The following CNTNAP5 variants were observed in gnomAD, a reference collection of about 807,000 sequenced individuals.
CNTNAP5 encodes the protein contactin-associated protein-like 5.
CNTNAP5 carries 72 observed loss-of-function variants against 150.2 expected under a neutral mutation model. The ratio of observed to expected loss-of-function variants is 0.48; its 90% CI spans 0.40 to 0.58. The LOEUF (loss-of-function observed/expected upper bound fraction) is 0.58. Ranked by LOEUF, CNTNAP5 falls within the 20% of genes least tolerant of loss-of-function variation. The pLI is 0.00. For synonymous variants in CNTNAP5, 672 were observed against 619.8 expected, an observed-to-expected ratio of 1.08 and a Z score of -1.25; for missense variants, 1,636 against 1,626.2, an observed-to-expected ratio of 1.01 and a Z score of -0.10.
chr2:124,166,892 T>C (rs1684819755), intron 1 of CNTNAP5, among the ~76,000 whole-genome samples: 1 of 152,146 alleles, frequency 6.6e-6, no homozygotes, highest in African/African-American at 2.4e-5. Context: ...TCTCCAAGCC[T>C]TCCCCCAAGA....
chr2:124,166,224 C>T (rs962801642), intron 1 of CNTNAP5, among the ~76,000 whole-genome samples: 1 of 152,146 alleles, frequency 6.6e-6, no homozygotes, highest in East Asian at 1.9e-4. Flanking sequence ...AGTCTGTAAA[C>T]AGGCCATGGG....
chr2:124,760,804 G>A (rs1680940226), intron 14 of CNTNAP5, among the ~76,000 whole-genome samples: 3 of 151,988 alleles, frequency 2.0e-5, no homozygotes, highest in African/African-American at 7.2e-5. Flanking sequence ...AGTATGTATT[G>A]AGTTTCTACT....
At chr2:124,270,084 G>C (rs932870885) in intron 3 of CNTNAP5, among the ~76,000 whole-genome samples, 5 of 152,150 alleles carry the variant, frequency 3.3e-5, no homozygotes, top group Admixed American at 2.0e-4. Context: ...GGGAGGCCGA[G>C]GCGGGTGGAT....
intron 7 of CNTNAP5, among the ~76,000 whole-genome samples, chr2:124,475,524 T>C (rs1693619501): frequency 1.3e-5 from 2 of 152,158 alleles, no homozygotes; most frequent in Admixed American, 6.6e-5. Context: ...GATTTGTCTG[T>C]TTCTCTCTCC....
chr2:124,589,207 C>T (rs1341724098), intron 11 of CNTNAP5, among the ~76,000 whole-genome samples: 2 of 152,132 alleles, frequency 1.3e-5, no homozygotes, highest in African/African-American at 4.8e-5. Flanking sequence ...TCCACCACCC[C>T]CAGCCCCTGC....
chr2:124,896,986 T>C lies in CNTNAP5; in HGVS notation c.3437-5896T>C, dbSNP rs1293048563. ...TCTTTACTTTGTAAAGGTTTTGTTT[T>C]GTGCCTGAAACATGTAACCATCTTC... is the stretch of plus-strand genomic sequence containing the variant. On this transcript the variant is annotated intron_variant, in intron 21 of 23. Coordinates refer to ENST00000682447, the MANE Select transcript of CNTNAP5 (RefSeq NM_001367498.1). Among the ~76,000 whole-genome samples, 4 of 151,686 alleles carry C rather than the reference T, an allele frequency of 2.6e-5. No homozygotes were observed. In the East Asian group the frequency reaches 7.7e-4, roughly 29 times the overall value.
At chr2:124,524,270 A>G (rs111934228) in intron 8 of CNTNAP5, 33 bp from the exon 9 acceptor site, 1 of 1,612,218 alleles carries the variant, frequency 6.2e-7, no homozygotes, top group Admixed American at 1.7e-5. Context: ...TGGACCCATC[A>G]TCTCTATGCT....
chr2:124,769,813 A>G (rs1487050638), intron 16 of CNTNAP5, among the ~76,000 whole-genome samples: 2 of 152,134 alleles, frequency 1.3e-5, no homozygotes, highest in African/African-American at 4.8e-5. Context: ...TGCCCCACCC[A>G]CACTGGGTCA....
rs556824899 is a variant in CNTNAP5, at chr2:124,210,082, T to C, written c.83-11623T>C. ...GAACTAAAATTTTATTCTGAAGGCA[T>C]GGGAGACTAGTGAACTCAGGTCAGT... is the stretch of plus-strand genomic sequence containing the variant. On this transcript the variant is annotated intron_variant, in intron 1 of 23. Transcript: ENST00000682447. Among the ~76,000 whole-genome samples the C allele has an allele frequency of 2.6e-5, 4 of 152,312 alleles. No homozygotes were observed. The South Asian group carries it at 8.3e-4, about 32-fold the overall frequency.
intron 1 of CNTNAP5, among the ~76,000 whole-genome samples, chr2:124,171,674 G>T (rs567301866): frequency 2.0e-4 from 30 of 152,328 alleles, no homozygotes; most frequent in South Asian, 1.2e-3. Flanking sequence ...AGAGCAAAGG[G>T]CAAGGTGTCC....
At chr2:124,467,508 G>A (rs561601587) in intron 6 of CNTNAP5, among the ~76,000 whole-genome samples, 57 of 152,070 alleles carry the variant, frequency 3.7e-4, no homozygotes, top group Non-Finnish European at 7.2e-4. Context: ...CTTAGAGGAA[G>A]ATTTTAATTT....
intron 13 of CNTNAP5, among the ~76,000 whole-genome samples, chr2:124,732,404 A>G (rs1428212965): frequency 6.6e-6 from 1 of 152,146 alleles, no homozygotes; most frequent in African/African-American, 2.4e-5. Flanking sequence ...TGGCATAAGA[A>G]GGTGGAGCCT....
chr2:124,291,981 A>C (rs947488854), intron 3 of CNTNAP5, among the ~76,000 whole-genome samples: 4 of 152,156 alleles, frequency 2.6e-5, no homozygotes, highest in African/African-American at 9.7e-5. Flanking sequence ...ATTGACTCAT[A>C]AAATAATGAA....
intron 21 of CNTNAP5, among the ~76,000 whole-genome samples, chr2:124,869,979 T>TA (rs1310782450): frequency 6.6e-6 from 1 of 152,108 alleles, no homozygotes; most frequent in Non-Finnish European, 1.5e-5. Context: ...TTGCAAGAGG[T>TA]AAAATACTAA....
At chr2:124,470,505 C>A (rs927664606) in intron 6 of CNTNAP5, among the ~76,000 whole-genome samples, 1 of 152,070 alleles carries the variant, frequency 6.6e-6, no homozygotes, top group Admixed American at 6.5e-5. Context: ...ATTATTCTCC[C>A]ATTTTGTAGG....
chr2:124,031,158 CAT>C (rs1022436658), intron 1 of CNTNAP5, among the ~76,000 whole-genome samples: 14 of 152,134 alleles, frequency 9.2e-5, no homozygotes, highest in African/African-American at 2.2e-4. Flanking sequence ...CACACACACA[CAT>C]GCCCAGAAAT....
intron 3 of CNTNAP5, among the ~76,000 whole-genome samples, chr2:124,325,502 T>TAATACAGAGTGTCTCC (rs1388365697): frequency 6.6e-6 from 1 of 152,200 alleles, no homozygotes; most frequent in Non-Finnish European, 1.5e-5. Flanking sequence ...GATGTTTCTC[T>TAATACAGAGTGTCTCC]AATACAGAGT....
chr2:124,184,947 C>T (rs1283493634), intron 1 of CNTNAP5, among the ~76,000 whole-genome samples: 1 of 152,146 alleles, frequency 6.6e-6, no homozygotes, highest in Non-Finnish European at 1.5e-5. Context: ...TGCATTTATC[C>T]TGGGTCTCAA....
At chr2:124,243,231 C>T (rs1464205620) in intron 3 of CNTNAP5, among the ~76,000 whole-genome samples, 1 of 152,024 alleles carries the variant, frequency 6.6e-6, no homozygotes, top group African/African-American at 2.4e-5. Context: ...TTTTTTAATC[C>T]AAATGTGTGT....
Sources: allele counts gnomAD v4.1 joint callset (sites outside exome capture counted in the v4.1 genomes callset), GRCh38; gene constraint gnomAD v4.1.1; transcripts MANE v1.5; gene names NCBI Gene and HGNC (gene_info 2026-07-23, HGNC 2026-07-21).